The following KHDRBS2 variants were observed in gnomAD, a reference collection of about 807,000 sequenced individuals.
KHDRBS2 encodes the protein KH RNA binding domain containing, signal transduction associated 2, also known as KH domain-containing, RNA-binding, signal transduction-associated protein 2.
KHDRBS2 carries 26 observed loss-of-function variants against 44.3 expected under a neutral mutation model. That is an observed-to-expected ratio of 0.59 (90% CI 0.43 to 0.81). KHDRBS2 has a LOEUF of 0.81. Ranked by LOEUF, KHDRBS2 falls within the 40% of genes least tolerant of loss-of-function variation. The pLI, the probability that KHDRBS2 is intolerant of heterozygous loss-of-function variation, is 0.00. For synonymous variants in KHDRBS2, 194 were observed against 151.1 expected (o/e 1.28, Z -2.08); for missense variants, 476 against 433.1 (o/e 1.10, Z -0.88).
chr6:61,565,534 C>T, the KHDRBS2 span, among the ~76,000 whole-genome samples: 9 of 152,190 alleles, frequency 5.9e-5, no homozygotes, highest in Non-Finnish European at 1.3e-4. Context: ...CAAAAGAAGA[C>T]ATACAAATAG....
At chr6:62,008,062 T>C (rs1779591276) in intron 3 of KHDRBS2, among the ~76,000 whole-genome samples, 2 of 152,156 alleles carry the variant, frequency 1.3e-5, no homozygotes, top group South Asian at 2.1e-4. Context: ...GCTTCACAAA[T>C]TAAAAAGCAG....
chr6:61,746,324 C>T (rs1262293202), intron 6 of KHDRBS2, among the ~76,000 whole-genome samples: 1 of 152,084 alleles, frequency 6.6e-6, no homozygotes, highest in Admixed American at 6.6e-5. Context: ...CCATCCCCGA[C>T]AGGCCACTGT....
At chr6:61,606,965 G>T in the KHDRBS2 span, among the ~76,000 whole-genome samples, 5 of 152,200 alleles carry the variant, frequency 3.3e-5, no homozygotes, top group Admixed American at 3.3e-4. Flanking sequence ...AAATAGTCAA[G>T]AATCACTGAA....
chr6:62,250,043 C>T (rs1254441752), intron 1 of KHDRBS2, among the ~76,000 whole-genome samples: 4 of 151,968 alleles, frequency 2.6e-5, no homozygotes, highest in African/African-American at 9.7e-5. Flanking sequence ...CAGAAAAATA[C>T]TTTCGTATGC....
downstream of KHDRBS2, among the ~76,000 whole-genome samples, chr6:61,676,217 T>A (rs147082484): frequency 1.3e-5 from 2 of 151,972 alleles, no homozygotes; most frequent in African/African-American, 4.8e-5. Context: ...TCACTCTCTG[T>A]CTCTGGAGAA....
chr6:62,065,093 A>C (rs1194550840), intron 2 of KHDRBS2, among the ~76,000 whole-genome samples: 1 of 152,146 alleles, frequency 6.6e-6, no homozygotes, highest in Non-Finnish European at 1.5e-5. Context: ...ATACCATCTC[A>C]CACCAGTTAG....
intron 6 of KHDRBS2, among the ~76,000 whole-genome samples, chr6:61,890,407 C>G (rs1801642442): frequency 1.3e-5 from 2 of 152,118 alleles, no homozygotes; most frequent in Non-Finnish European, 2.9e-5. Context: ...TTGTTGATTA[C>G]TCTTGACTCA....
At chr6:61,854,361 T>C (rs1243437676) in intron 6 of KHDRBS2, among the ~76,000 whole-genome samples, 4 of 152,128 alleles carry the variant, frequency 2.6e-5, no homozygotes, top group Non-Finnish European at 5.9e-5. Flanking sequence ...AATTTTTATA[T>C]ATTCAGTTAT....
chr6:61,968,858 G>T (rs531608817), intron 4 of KHDRBS2, among the ~76,000 whole-genome samples: 1 of 152,070 alleles, frequency 6.6e-6, no homozygotes, highest in South Asian at 2.1e-4. Context: ...GTAAAATGAG[G>T]CTTAGATTCC....
At chr6:62,196,222 T>A (rs923445186) in intron 1 of KHDRBS2, among the ~76,000 whole-genome samples, 6 of 152,282 alleles carry the variant, frequency 3.9e-5, no homozygotes, top group Admixed American at 3.3e-4. Flanking sequence ...TCCTATAGAA[T>A]AAGTTGAAAT....
chr6:62,064,201 C>A (rs1305462449), intron 2 of KHDRBS2, among the ~76,000 whole-genome samples: 3 of 127,976 alleles, frequency 2.3e-5, no homozygotes, highest in Admixed American at 8.7e-5. Context: ...AATGGCCATA[C>A]TGCCCAAGGT....
At chr6:61,568,409 G>T in the KHDRBS2 span, among the ~76,000 whole-genome samples, 1 of 152,114 alleles carries the variant, frequency 6.6e-6, no homozygotes, top group Non-Finnish European at 1.5e-5. Context: ...TAAGACAGCA[G>T]ATAAGAGACA....
At chr6:61,900,284 T>C (rs1583410156) in intron 5 of KHDRBS2, among the ~76,000 whole-genome samples, 1 of 152,086 alleles carries the variant, frequency 6.6e-6, no homozygotes, top group Non-Finnish European at 1.5e-5. Context: ...ATAGTGGTGG[T>C]TGAAAGTATT....
chr6:62,255,603 A>G (rs1837245672), intron 1 of KHDRBS2, among the ~76,000 whole-genome samples: 1 of 93,280 alleles, frequency 1.1e-5, no homozygotes, highest in Non-Finnish European at 2.0e-5. Context: ...CTCATGCTTT[A>G]AAACACACAC....
At chr6:61,847,367 G>A (rs966061544) in intron 6 of KHDRBS2, among the ~76,000 whole-genome samples, 2 of 152,142 alleles carry the variant, frequency 1.3e-5, no homozygotes, top group Admixed American at 6.6e-5. Context: ...ACCTAGGACT[G>A]TCTTTCTCAG....
intron 2 of KHDRBS2, among the ~76,000 whole-genome samples, chr6:62,062,887 C>CTAA (rs1041278720): frequency 3.4e-5 from 5 of 147,092 alleles, no homozygotes; most frequent in African/African-American, 1.2e-4. Context: ...GCTAGCAAGA[C>CTAA]TAATAAAGAA....
the KHDRBS2 span, among the ~76,000 whole-genome samples, chr6:61,572,447 A>C: frequency 6.6e-6 from 1 of 152,066 alleles, no homozygotes; most frequent in Non-Finnish European, 1.5e-5. Context: ...TAAAGAGGGA[A>C]TCTCCCCTGA....
intron 4 of KHDRBS2, among the ~76,000 whole-genome samples, chr6:61,966,307 C>T (rs1201100251): frequency 6.6e-6 from 1 of 151,966 alleles, no homozygotes; most frequent in East Asian, 1.9e-4. Flanking sequence ...ATGATCTGTA[C>T]TTTTCAATAT....
intron 6 of KHDRBS2, among the ~76,000 whole-genome samples, chr6:61,806,430 C>T (rs1321569828): frequency 6.6e-6 from 1 of 152,070 alleles, no homozygotes; most frequent in Non-Finnish European, 1.5e-5. Context: ...TACAGAATCC[C>T]CACTATTTCA....
Sources: allele counts gnomAD v4.1 joint callset (sites outside exome capture counted in the v4.1 genomes callset), GRCh38; gene constraint gnomAD v4.1.1; transcripts MANE v1.5; gene names NCBI Gene and HGNC (gene_info 2026-07-23, HGNC 2026-07-21).